The following NOL12 variants were observed in gnomAD, a reference collection of about 807,000 sequenced individuals.
The protein encoded by NOL12 is nucleolar protein 12.
NOL12 carries 21 observed loss-of-function variants against 25.2 expected under a neutral mutation model. The observed-to-expected ratio is 0.83, with a 90% CI of 0.59 to 1.20. The LOEUF (loss-of-function observed/expected upper bound fraction) is 1.20. NOL12 is among the 50% of genes most tolerant of loss of function. NOL12 has a pLI of 0.00. For synonymous variants in NOL12, 133 were observed against 113.8 expected, an observed-to-expected ratio of 1.17 and a Z score of -1.08; for missense variants, 286 against 287.6, an observed-to-expected ratio of 0.99 and a Z score of 0.04.
At position 37,691,206 on chromosome 22, in the gene NOL12, A is replaced by G. The variant is rs2145798656; in HGVS notation, c.512A>G (p.His171Arg). 3 of 1,613,808 alleles carry G rather than the reference A, an allele frequency of 1.9e-6. No homozygotes were observed. Among genetic ancestry groups the G allele is most frequent in the South Asian group, 1.1e-5 (1 of 91,030 alleles). Reference sequence around the variant, plus strand: ...TCCCTCACAGCATCACTACATGCACACAGCCGCAAAAAGGTCAAGAGGAAA... The same window carrying G: ...TCCCTCACAGCATCACTACATGCACGCAGCCGCAAAAAGGTCAAGAGGAAA... ...ISSLTASLHA[H>R]SRKKVKRKHP... Residue 171 changes from histidine (H) to arginine (R), a missense_variant, in exon 6 of 6, where the codon CAC (histidine) becomes CGC (arginine). Transcript: ENST00000359114.
In NOL12 at chr22:37,693,396, C is replaced by T. The variant is rs1271197684; in HGVS notation, c.*2060C>T. ...ACGTCTGACTCCAGTTCCTTCTCCCCTCTCCAGTGACAAGGTCATTTACAA... is the reference window on the plus strand; with the variant it reads ...ACGTCTGACTCCAGTTCCTTCTCCCTTCTCCAGTGACAAGGTCATTTACAA... On this transcript the variant is annotated 3_prime_UTR_variant, in exon 6 of 6. Transcript: ENST00000359114. 1.3e-5 allele frequency: 2 copies of T among 152,608 alleles called. No individual in the cohort carries two copies. The highest frequency in any genetic ancestry group is 2.9e-5 in the Non-Finnish European group (2 of 68,072). The allele number at this position is 152,608 out of a possible 1,614,324, so 9.5% of individuals were successfully genotyped here.
chr22:37,688,113 G>C (rs1921904483), intron 2 of NOL12, 98 bp downstream of exon 2: 1 of 1,175,044 alleles, frequency 8.5e-7, no homozygotes, highest in Non-Finnish European at 1.2e-6. Context: ...GGGGCGATGT[G>C]TGTGTGGGCA....
chr22:37,689,208 T>G (rs1359554581), intron 4 of NOL12, among the ~76,000 whole-genome samples: 1 of 152,214 alleles, frequency 6.6e-6, no homozygotes, highest in African/African-American at 2.4e-5. Context: ...CATTCCCTGC[T>G]TCCGGGGTGC....
chr22:37,688,146 G>A (rs1003701614), intron 2 of NOL12, 131 bp downstream of exon 2: 23 of 1,056,424 alleles, frequency 2.2e-5, no homozygotes, highest in Non-Finnish European at 3.1e-5. Context: ...AGTTTATACA[G>A]GTGGAGACTC....
intron 1 of NOL12, chr22:37,686,968 G>A (rs1160503969): frequency 1.0e-6 from 1 of 985,328 alleles, no homozygotes; most frequent in African/African-American, 1.7e-5. Flanking sequence ...GAAAAGCCCA[G>A]TGCTGGACCG....
chr22:37,692,516 C>T lies in NOL12; in HGVS notation c.*1180C>T, dbSNP rs1215298402. ...TGGAAACCCTGTCCCTTCCTTGTCC[C>T]AGCTTGTCAGTCCTGGGCAGGAGAG... On this transcript the variant is annotated 3_prime_UTR_variant, in exon 6 of 6. Transcript: ENST00000359114. 4 of 398,588 alleles carry T rather than the reference C, an allele frequency of 1.0e-5. No individual in the cohort carries two copies. Among genetic ancestry groups the T allele is most frequent in the Non-Finnish European group, 1.8e-5 (4 of 226,156 alleles). 24.7% of individuals were successfully genotyped at this position (398,588 alleles called of 1,614,324 possible). A position where few individuals can be genotyped will look rare whatever the true frequency, so the allele number is the denominator to read the frequency against.
intron 1 of NOL12, chr22:37,686,911 C>G (rs1184004753): frequency 1.0e-6 from 1 of 985,334 alleles, no homozygotes; most frequent in East Asian, 1.1e-4. Flanking sequence ...ACCTCTGAGC[C>G]TCAGCGTCTG....
In NOL12 at chr22:37,686,477, T is replaced by C. The variant is rs1455313116; in HGVS notation, c.83+2T>C. 1 of 1,595,478 alleles carries C rather than the reference T, an allele frequency of 6.3e-7. No homozygotes were observed. Among genetic ancestry groups the C allele is most frequent in the Non-Finnish European group, 8.5e-7 (1 of 1,173,024 alleles). On this transcript the variant is annotated splice_donor_variant, in intron 1 of 5. Transcript: ENST00000359114. LOFTEE classifies it high-confidence loss of function. Reference sequence around the variant, plus strand: ...TAGCTTCGACGAGGAGAAGAGGCGGTGAGTGGCAAAGCCGGACCGGACTCC... The same window carrying C: ...TAGCTTCGACGAGGAGAAGAGGCGGCGAGTGGCAAAGCCGGACCGGACTCC...
chr22:37,688,709 C>G (rs73409416), intron 3 of NOL12, 141 bp from the exon 4 acceptor site: 39,274 of 795,172 alleles, frequency 0.049, 1,303 homozygotes, highest in African/African-American at 0.099. Context: ...CATCCACAGA[C>G]CAGGCTCTAC....
intron 4 of NOL12, among the ~76,000 whole-genome samples, chr22:37,690,282 A>G (rs1922009173): frequency 6.6e-6 from 1 of 152,236 alleles, no homozygotes; most frequent in Admixed American, 6.5e-5. Context: ...GTGAGCCACG[A>G]TTGTGCCACT....
Position 37,686,442 on chromosome 22 carries a change from G to A in NOL12, c.50G>A (p.Arg17Lys). 6.2e-7 allele frequency: 1 copy of A among 1,606,006 alleles called. No homozygotes were observed. The highest frequency in any genetic ancestry group is 1.1e-5 in the South Asian group (1 of 89,794). ...CGAGATGGTGACGACCGGCGGCCGAGGCTCGTTCTTAGCTTCGACGAGGAG... is the reference window on the plus strand; with the variant it reads ...CGAGATGGTGACGACCGGCGGCCGAAGCTCGTTCTTAGCTTCGACGAGGAG... ...KKRDGDDRRP[R>K]LVLSFDEEKR... Residue 17 changes from arginine to lysine, a missense_variant, in exon 1 of 6, where the codon AGG (arginine) becomes AAG (lysine). Physicochemically the swap from Arg to Lys is conservative, Grantham distance 26. Coordinates refer to ENST00000359114, the MANE Select transcript of NOL12 (RefSeq NM_024313.3).
At chr22:37,688,471 G>A in intron 3 of NOL12, 111 bp downstream of exon 3, 6 of 1,149,434 alleles carry the variant, frequency 5.2e-6, no homozygotes, top group Non-Finnish European at 7.8e-6. Flanking sequence ...ATCTTGGGGG[G>A]TACCCTGGGG....
intron 1 of NOL12, among the ~76,000 whole-genome samples, chr22:37,687,355 C>T (rs1921866542): frequency 7.0e-6 from 1 of 143,080 alleles, no homozygotes; most frequent in Non-Finnish European, 1.5e-5. Flanking sequence ...CCCTTATTTT[C>T]CTAAATGTAT....
intron 4 of NOL12, 28 bp from the exon 5 acceptor site, chr22:37,690,669 T>G: frequency 1.3e-6 from 2 of 1,561,112 alleles, no homozygotes; most frequent in Non-Finnish European, 1.8e-6. Flanking sequence ...TACTGCTCCA[T>G]GTAAGTCATT....
chr22:37,691,366 G>C lies in NOL12; in HGVS notation c.*30G>C, dbSNP rs1239705484. ...GAGAACGAAGCGGTGCCCCAGTCTA[G>C]GCTGCGGGGACCTGTCCTTGCTCAG... On this transcript the variant is annotated 3_prime_UTR_variant, in exon 6 of 6. Transcript: ENST00000359114. The C allele has an allele frequency of 1.3e-6, 2 of 1,578,028 alleles. No individual in the cohort carries two copies. The highest frequency in any genetic ancestry group is 1.7e-6 in the Non-Finnish European group (2 of 1,159,878).
At chr22:37,690,023 T>C (rs1921999008) in intron 4 of NOL12, among the ~76,000 whole-genome samples, 1 of 152,160 alleles carries the variant, frequency 6.6e-6, no homozygotes, top group Non-Finnish European at 1.5e-5. Context: ...AATACAAAAT[T>C]AGCTGGGTGT....
Position 37,688,018 on chromosome 22 carries a change from A to T in NOL12, c.189+3A>T. 1.3e-6 allele frequency: 2 copies of T among 1,494,704 alleles called. No homozygotes were observed. The highest frequency in any genetic ancestry group is 1.8e-6 in the Non-Finnish European group (2 of 1,093,188). 92.6% of individuals were successfully genotyped at this position (1,494,704 alleles called of 1,614,324 possible). On this transcript the variant is annotated splice_donor_region_variant and intron_variant, in intron 2 of 5. Coordinates refer to ENST00000359114, the MANE Select transcript of NOL12 (RefSeq NM_024313.3). ...AGCAGAGGAAGCTTCGGGAGGAGGT[A>T]CGCAGGGGGAAGGTGGGAGGGAGGT... is the stretch of plus-strand genomic sequence containing the variant.
intron 1 of NOL12, 111 bp downstream of exon 1, chr22:37,686,586 G>T: frequency 2.9e-6 from 4 of 1,397,560 alleles, no homozygotes; most frequent in Non-Finnish European, 3.7e-6. Flanking sequence ...GCCCCCTGGC[G>T]TGGCTAGAGA....
At position 37,686,422 on chromosome 22, in the gene NOL12, T is replaced by C. The variant is rs1340572937; in HGVS notation, c.30T>C (p.Asp10=). Residue 10 remains aspartate, a synonymous_variant, in exon 1 of 6, where the codon GAT becomes GAC. Transcript: ENST00000359114. The part of the protein sequence containing the change: MGRNKKKKR[D]GDDRRPRLVL... ...GCCGCAACAAGAAGAAGAAGCGAGA[T>C]GGTGACGACCGGCGGCCGAGGCTCG... is the stretch of plus-strand genomic sequence containing the variant. 1.2e-6 allele frequency: 2 copies of C among 1,605,220 alleles called. No homozygotes were observed. The highest frequency in any genetic ancestry group is 1.7e-5 in the Admixed American group (1 of 58,694).
Sources: gnomAD v4.1 joint callset for allele counts (sites outside exome capture counted in the v4.1 genomes callset) on GRCh38, gnomAD v4.1.1 for gene constraint, MANE v1.5 for transcripts, NCBI Gene and HGNC (gene_info 2026-07-23, HGNC 2026-07-21) for gene names.